ARHGAP44: variants seen among roughly 807,000 people sequenced by gnomAD.
The protein encoded by ARHGAP44 is rho GTPase-activating protein 44.
ARHGAP44 carries 43 observed loss-of-function variants against 106.8 expected under a neutral mutation model. The ratio of observed to expected loss-of-function variants is 0.40; its 90% CI spans 0.32 to 0.52. ARHGAP44 has a LOEUF of 0.52. Among genes scored for constraint, ARHGAP44 ranks in the 20% least tolerant of loss-of-function variants. The probability of loss-of-function intolerance (pLI) is 0.48; values close to 1 mark genes in which losing one functional copy is unlikely to be tolerated. For missense variants in ARHGAP44, 866 were observed against 1,050.5 expected, an observed-to-expected ratio of 0.82 and a Z score of 2.43; for synonymous variants, 439 against 410.3, an observed-to-expected ratio of 1.07 and a Z score of -0.85.
chr17:12,885,579 C>G (rs1045626804), intron 1 of ARHGAP44, among the ~76,000 whole-genome samples: 5 of 152,008 alleles, frequency 3.3e-5, no homozygotes, highest in African/African-American at 1.2e-4. Flanking sequence ...ATACTAGTAT[C>G]TCATTTTGCT....
chr17:12,947,202 C>T (rs1012392992), intron 10 of ARHGAP44, among the ~76,000 whole-genome samples: 1 of 152,200 alleles, frequency 6.6e-6, no homozygotes, highest in Admixed American at 6.5e-5. Flanking sequence ...GTTGCTTCGC[C>T]CCTGTCACTG....
At chr17:12,822,801 T>C (rs113795369) in intron 1 of ARHGAP44, among the ~76,000 whole-genome samples, 4,953 of 152,240 alleles carry the variant, frequency 0.033, 288 homozygotes, top group African/African-American at 0.11. Context: ...GAGGCTGGAC[T>C]TAGGTAATTC....
At chr17:12,915,850 A>T in intron 4 of ARHGAP44, 50 bp from the exon 5 acceptor site, 1 of 1,525,880 alleles carries the variant, frequency 6.6e-7, no homozygotes, top group Non-Finnish European at 9.0e-7. Context: ...AACGCCAGTG[A>T]AATGTTGTCT....
chr17:12,956,012 A>T (rs1236156711), intron 14 of ARHGAP44, 32 bp downstream of exon 14: 1 of 1,541,464 alleles, frequency 6.5e-7, no homozygotes, highest in African/African-American at 1.4e-5. Context: ...AATGTGGGTG[A>T]TCAGGTGGGA....
At chr17:12,842,430 A>G (rs539670286) in intron 1 of ARHGAP44, among the ~76,000 whole-genome samples, 3,254 of 141,636 alleles carry the variant, frequency 0.023, 110 homozygotes, top group African/African-American at 0.088. Context: ...AAAAAAAAAA[A>G]AAAGAAAGAA....
chr17:12,938,816 T>C (rs1322202618), intron 7 of ARHGAP44, among the ~76,000 whole-genome samples: 1 of 152,232 alleles, frequency 6.6e-6, no homozygotes, highest in African/African-American at 2.4e-5. Flanking sequence ...GTGTGATTTT[T>C]TTGGAATCCA....
intron 1 of ARHGAP44, among the ~76,000 whole-genome samples, chr17:12,813,201 A>G (rs1001253384): frequency 1.3e-5 from 2 of 152,182 alleles, no homozygotes; most frequent in African/African-American, 2.4e-5. Flanking sequence ...GAGAGTCGGG[A>G]AGGAAATTGA....
intron 7 of ARHGAP44, among the ~76,000 whole-genome samples, chr17:12,933,259 T>A (rs1340193807): frequency 6.6e-6 from 1 of 152,194 alleles, no homozygotes. Flanking sequence ...TCTCCTATAT[T>A]GTGGCAAACC....
chr17:12,960,210 AAAG>A (rs1375187453), intron 16 of ARHGAP44, among the ~76,000 whole-genome samples: 1 of 152,228 alleles, frequency 6.6e-6, no homozygotes, highest in Non-Finnish European at 1.5e-5. Flanking sequence ...AAAGAAAAAA[AAAG>A]GAAATTCTTA....
At chr17:12,905,511 A>G (rs2037520794) in intron 3 of ARHGAP44, among the ~76,000 whole-genome samples, 1 of 151,912 alleles carries the variant, frequency 6.6e-6, no homozygotes, top group East Asian at 1.9e-4. Flanking sequence ...GATCAACCTC[A>G]TGTTCCTCCA....
rs1268225366 is a variant in ARHGAP44 at position 12,955,558 on chromosome 17, G to A, written c.1137-309G>A. Among the ~76,000 whole-genome samples the A allele has an allele frequency of 2.6e-5, 4 of 152,130 alleles. No individual in the cohort carries two copies. In the South Asian group the frequency reaches 6.2e-4, roughly 24 times the overall value. The stretch of plus-strand genomic sequence containing the variant: ...ACAGGGAACATGGCAAGAAGTAATG[G>A]GGTTTGTAAAAAGTGAGGCACTTCA... On this transcript the variant is annotated intron_variant, in intron 13 of 20. Coordinates refer to ENST00000379672, the MANE Select transcript of ARHGAP44 (RefSeq NM_014859.6).
chr17:12,887,047 G>C (rs1357690699), intron 1 of ARHGAP44, among the ~76,000 whole-genome samples: 2 of 144,656 alleles, frequency 1.4e-5, no homozygotes, highest in Admixed American at 7.1e-5. Flanking sequence ...CTATGATCGT[G>C]TGGTTTTTCT....
chr17:12,978,348 C>T (rs76775872), intron 18 of ARHGAP44, among the ~76,000 whole-genome samples: 7,489 of 150,956 alleles, frequency 0.05, 535 homozygotes, highest in African/African-American at 0.15. Flanking sequence ...TTTTCATGAA[C>T]AGAATAGAGA....
rs200473111 is a variant in ARHGAP44 at position 12,847,794 on chromosome 17, C to T, written c.54-47146C>T. On this transcript the variant is annotated intron_variant, in intron 1 of 20. Transcript: ENST00000379672. ...TGCTGGGATTACAGGCGTGAGCCAC[C>T]GCGCCCGGCCCATCACTCTTTTTAA... Among the ~76,000 whole-genome samples, 14 of 152,064 alleles carry T rather than the reference C, an allele frequency of 9.2e-5. No individual in the cohort carries two copies. In the East Asian group the frequency reaches 1.2e-3, roughly 13 times the overall value.
At position 12,990,140 on chromosome 17, in the gene ARHGAP44, CGGA is replaced by C. The variant is rs772091802; in HGVS notation, c.2434_2436del (p.Glu812del). On this transcript the variant is annotated inframe_deletion, in exon 21 of 21. Coordinates refer to ENST00000379672, the MANE Select transcript of ARHGAP44 (RefSeq NM_014859.6). ...CACTCAGTAACTGACAAGAGGGACT[CGGA>C]GGAGGAGTCTGAGAGCACCGCCCTC... The C allele has an allele frequency of 2.0e-5, 32 of 1,613,380 alleles. No individual in the cohort carries two copies. The highest frequency in any genetic ancestry group is 6.7e-5 in the African/African-American group (5 of 74,908).
chr17:12,915,092 G>A (rs2037867225), intron 4 of ARHGAP44, among the ~76,000 whole-genome samples: 1 of 152,226 alleles, frequency 6.6e-6, no homozygotes, highest in Non-Finnish European at 1.5e-5. Flanking sequence ...CGGCTGGAGT[G>A]CAGTGGCACT....
intron 1 of ARHGAP44, among the ~76,000 whole-genome samples, chr17:12,835,121 C>A (rs962710932): frequency 3.9e-5 from 6 of 152,042 alleles, no homozygotes; most frequent in Admixed American, 1.3e-4. Flanking sequence ...CCATAGAAAC[C>A]CTTTTGGCTG....
At chr17:12,911,915 A>G (rs1292367162) in intron 4 of ARHGAP44, among the ~76,000 whole-genome samples, 2 of 152,244 alleles carry the variant, frequency 1.3e-5, no homozygotes, top group African/African-American at 4.8e-5. Context: ...TCCAAAAGGA[A>G]GGACCTAAAG....
intron 5 of ARHGAP44, among the ~76,000 whole-genome samples, chr17:12,917,879 G>T (rs1156666747): frequency 6.6e-6 from 1 of 152,142 alleles, no homozygotes; most frequent in African/African-American, 2.4e-5. Flanking sequence ...GTATTAAACT[G>T]CCTTGCCCTA....
Sources: gnomAD v4.1 joint callset for allele counts (sites outside exome capture counted in the v4.1 genomes callset) on GRCh38, gnomAD v4.1.1 for gene constraint, MANE v1.5 for transcripts, NCBI Gene and HGNC (gene_info 2026-07-23, HGNC 2026-07-21) for gene names.